The following SPAG16 variants were observed in gnomAD, a reference collection of about 807,000 sequenced individuals.
SPAG16 encodes sperm-associated antigen 16 protein.
Under a neutral mutation model 80.4 loss-of-function variants are expected in SPAG16, and 86 were observed. That is an observed-to-expected ratio of 1.07 (90% confidence interval 0.90 to 1.28). The LOEUF (loss-of-function observed/expected upper bound fraction) is 1.28, where lower values mean the gene tolerates loss of function less well. Among genes scored for constraint, SPAG16 ranks in the 50% most tolerant of loss-of-function variants. The pLI, the probability that SPAG16 is intolerant of heterozygous loss-of-function variation, is 0.00. For missense variants in SPAG16, 870 were observed against 765.3 expected, an observed-to-expected ratio of 1.14 and a Z score of -1.61; for synonymous variants, 294 against 265.9, an observed-to-expected ratio of 1.11 and a Z score of -1.03.
chr2:214,186,194 T>G (rs2057466754), intron 15 of SPAG16, among the ~76,000 whole-genome samples: 1 of 152,160 alleles, frequency 6.6e-6, no homozygotes, highest in Non-Finnish European at 1.5e-5. Flanking sequence ...CCACATTGTC[T>G]TCCACCACAG....
At chr2:213,829,101 G>T (rs186308775) in intron 10 of SPAG16, among the ~76,000 whole-genome samples, 2 of 152,148 alleles carry the variant, frequency 1.3e-5, no homozygotes, top group Non-Finnish European at 2.9e-5. Flanking sequence ...AGCCAAATTC[G>T]CATCCTTCCC....
intron 15 of SPAG16, among the ~76,000 whole-genome samples, chr2:214,246,204 T>A (rs1014298777): frequency 3.3e-5 from 5 of 152,068 alleles, no homozygotes; most frequent in Admixed American, 2.0e-4. Context: ...TTTAGACAAA[T>A]CCCTGGACTC....
At chr2:214,105,559 G>A (rs1165142232) in intron 13 of SPAG16, among the ~76,000 whole-genome samples, 1 of 152,082 alleles carries the variant, frequency 6.6e-6, no homozygotes, top group Non-Finnish European at 1.5e-5. Context: ...CTACCCCCAG[G>A]GTCAGTGATA....
At chr2:213,704,314 T>C (rs2065641103) in intron 10 of SPAG16, among the ~76,000 whole-genome samples, 1 of 152,190 alleles carries the variant, frequency 6.6e-6, no homozygotes, top group Non-Finnish European at 1.5e-5. Context: ...TTATTAAGTG[T>C]TCACTTTATG....
chr2:214,033,452 A>T (rs2048526745), intron 13 of SPAG16, among the ~76,000 whole-genome samples: 2 of 152,170 alleles, frequency 1.3e-5, no homozygotes, highest in African/African-American at 4.8e-5. Context: ...GAAGAGACTG[A>T]GAGGGGGCTG....
intron 5 of SPAG16, among the ~76,000 whole-genome samples, chr2:213,323,500 G>T (rs2063714277): frequency 6.6e-6 from 1 of 152,100 alleles, no homozygotes; most frequent in African/African-American, 2.4e-5. Flanking sequence ...GGAAGAATTG[G>T]AACCCTTGCA....
chr2:213,906,827 T>C (rs79207265), intron 11 of SPAG16, among the ~76,000 whole-genome samples: 1,794 of 152,178 alleles, frequency 0.012, 36 homozygotes, highest in African/African-American at 0.041. Context: ...AGAATAAAAC[T>C]AGACTTCTAT....
intron 10 of SPAG16, among the ~76,000 whole-genome samples, chr2:213,576,249 T>A (rs1165714146): frequency 1.3e-5 from 2 of 152,162 alleles, no homozygotes; most frequent in Non-Finnish European, 2.9e-5. Flanking sequence ...GTGGTCTTAT[T>A]TCTGGGTTCT....
chr2:213,907,289 C>T (rs1049852810), intron 11 of SPAG16, among the ~76,000 whole-genome samples: 1 of 152,020 alleles, frequency 6.6e-6, no homozygotes, highest in Non-Finnish European at 1.5e-5. Context: ...TTCTCAACAT[C>T]ACTAATCCTC....
At chr2:214,358,286 A>G (rs895933634) in intron 15 of SPAG16, among the ~76,000 whole-genome samples, 9 of 151,802 alleles carry the variant, frequency 5.9e-5, no homozygotes, top group African/African-American at 2.2e-4. Context: ...CTTTCCCCAG[A>G]TCACTTGATC....
At chr2:213,437,687 C>A (rs1256914093) in intron 9 of SPAG16, among the ~76,000 whole-genome samples, 1 of 152,034 alleles carries the variant, frequency 6.6e-6, no homozygotes, top group Non-Finnish European at 1.5e-5. Flanking sequence ...CAATATTATA[C>A]TTTTTTAAAA....
intron 13 of SPAG16, among the ~76,000 whole-genome samples, chr2:214,023,982 T>C (rs184289814): frequency 3.6e-4 from 55 of 151,828 alleles, no homozygotes; most frequent in African/African-American, 1.3e-3. Context: ...CTGTAAGAGG[T>C]AAAAATAATT....
chr2:213,516,587 A>G (rs2075432414), intron 10 of SPAG16, among the ~76,000 whole-genome samples: 1 of 152,138 alleles, frequency 6.6e-6, no homozygotes, highest in Non-Finnish European at 1.5e-5. Context: ...GATATGTGCC[A>G]GGCACTATTT....
chr2:214,328,709 C>A (rs941761509), intron 15 of SPAG16, among the ~76,000 whole-genome samples: 1 of 152,166 alleles, frequency 6.6e-6, no homozygotes, highest in Non-Finnish European at 1.5e-5. Flanking sequence ...GTCTATTAAT[C>A]TGACAATTTT....
intron 15 of SPAG16, among the ~76,000 whole-genome samples, chr2:214,278,531 A>G (rs1692651101): frequency 6.6e-6 from 1 of 152,176 alleles, no homozygotes; most frequent in Non-Finnish European, 1.5e-5. Context: ...ATACAGTGGT[A>G]TATTTGAGCT....
chr2:213,670,987 G>A (rs13404127), intron 10 of SPAG16, among the ~76,000 whole-genome samples: 5 of 152,096 alleles, frequency 3.3e-5, no homozygotes, highest in African/African-American at 1.2e-4. Flanking sequence ...CCATCACATG[G>A]ATACATAAAA....
At chr2:213,777,418 T>G (rs1009799064) in intron 10 of SPAG16, among the ~76,000 whole-genome samples, 1 of 151,728 alleles carries the variant, frequency 6.6e-6, no homozygotes. Context: ...AACTAATTTT[T>G]TTTTTTGAGA....
At chr2:213,563,674 T>A (rs956670260) in intron 10 of SPAG16, among the ~76,000 whole-genome samples, 1 of 152,238 alleles carries the variant, frequency 6.6e-6, no homozygotes, top group Non-Finnish European at 1.5e-5. Context: ...AACAGTCACA[T>A]TGTCAGGTAG....
chr2:213,870,393 ATTATGTATTATAGATAAAT>A (rs1388335295), intron 11 of SPAG16, among the ~76,000 whole-genome samples: 3 of 152,110 alleles, frequency 2.0e-5, no homozygotes, highest in Non-Finnish European at 4.4e-5. Context: ...GAATTTATGT[ATTATGTATTATAGATAAAT>A]TTATGTATTA....
Sources: gnomAD v4.1 joint callset for allele counts (sites outside exome capture counted in the v4.1 genomes callset) on GRCh38, gnomAD v4.1.1 for gene constraint, MANE v1.5 for transcripts, NCBI Gene and HGNC (gene_info 2026-07-23, HGNC 2026-07-21) for gene names.